The following MNAT1 variants were observed in gnomAD, a reference collection of about 807,000 sequenced individuals.
MNAT1 encodes MNAT1 component of CDK activating kinase, also known as CDK-activating kinase assembly factor MAT1.
A neutral mutation model predicts 42.0 loss-of-function variants in MNAT1; 43 were observed. The observed-to-expected ratio is 1.02, with a 90% CI of 0.80 to 1.32. MNAT1 has a LOEUF of 1.32. Among genes scored for constraint, MNAT1 ranks in the 40% most tolerant of loss-of-function variants. The probability of loss-of-function intolerance (pLI) is 0.00; values close to 1 mark genes in which losing one functional copy is unlikely to be tolerated. For missense variants in MNAT1, 306 were observed against 350.4 expected, an observed-to-expected ratio of 0.87 and a Z score of 1.01; for synonymous variants, 118 against 120.0, an observed-to-expected ratio of 0.98 and a Z score of 0.11.
At chr14:60,840,440 C>T (rs2033516305) in intron 6 of MNAT1, among the ~76,000 whole-genome samples, 1 of 152,172 alleles carries the variant, frequency 6.6e-6, no homozygotes, top group South Asian at 2.1e-4. Context: ...TCAGAGAAGT[C>T]TCATATCACC....
chr14:60,954,145 C>T (rs1241083371), intron 7 of MNAT1, among the ~76,000 whole-genome samples: 1 of 151,794 alleles, frequency 6.6e-6, no homozygotes, highest in African/African-American at 2.4e-5. Flanking sequence ...ATTTACATGC[C>T]TCTTTGTTCA....
At chr14:60,743,409 C>T (rs976016291) in intron 1 of MNAT1, among the ~76,000 whole-genome samples, 4 of 152,146 alleles carry the variant, frequency 2.6e-5, no homozygotes, top group African/African-American at 9.7e-5. Flanking sequence ...CTGCCTCAGC[C>T]TCTTGAGTAA....
In MNAT1 at chr14:60,887,813, C is replaced by T. The variant is rs577492327; in HGVS notation, c.809+7978C>T. ...TACAAACTACCATCAGAGAATACTACAAACACCTCTATGCAAATAAACTAG... is the reference window on the plus strand; with the variant it reads ...TACAAACTACCATCAGAGAATACTATAAACACCTCTATGCAAATAAACTAG... On this transcript the variant is annotated intron_variant, in intron 7 of 7. Coordinates refer to ENST00000261245, the MANE Select transcript of MNAT1 (RefSeq NM_002431.4). Among the ~76,000 whole-genome samples the T allele has an allele frequency of 5.0e-4, 76 of 152,076 alleles. 1 individual carries two copies. The highest frequency in any genetic ancestry group is 1.6e-3 in the African/African-American group (68 of 41,510).
At chr14:60,864,332 G>A (rs2034159939) in intron 6 of MNAT1, among the ~76,000 whole-genome samples, 1 of 151,784 alleles carries the variant, frequency 6.6e-6, no homozygotes, top group Non-Finnish European at 1.5e-5. Flanking sequence ...AATAGGGACA[G>A]TTGTGGTGGT....
chr14:60,968,071 C>A (rs1466533210), intron 7 of MNAT1, among the ~76,000 whole-genome samples, 158 bp from the exon 8 acceptor site: 2 of 152,238 alleles, frequency 1.3e-5, no homozygotes, highest in Middle Eastern at 3.4e-3. Flanking sequence ...TGGTATGTTT[C>A]CTTTTGAAAG....
At chr14:60,807,654 AT>A (rs970264395) in intron 3 of MNAT1, among the ~76,000 whole-genome samples, 3 of 152,178 alleles carry the variant, frequency 2.0e-5, no homozygotes, top group Non-Finnish European at 4.4e-5. Flanking sequence ...AATTCAAATT[AT>A]TTTGAGTTGG....
rs538862704 is a variant in MNAT1, at chr14:60,939,750, G to A, written c.810-28479G>A. Among the ~76,000 whole-genome samples, 18 of 152,270 alleles carry A rather than the reference G, an allele frequency of 1.2e-4. No individual in the cohort carries two copies. In the East Asian group the frequency reaches 2.5e-3, roughly 21 times the overall value. On this transcript the variant is annotated intron_variant, in intron 7 of 7. Coordinates refer to ENST00000261245, the MANE Select transcript of MNAT1 (RefSeq NM_002431.4). ...AGTTCTGTAGATGTCTATTAGGTCT[G>A]CTTGGTGCAGAGCTGAGTTCAGTTC...
chr14:60,878,309 G>A (rs1044339149), intron 6 of MNAT1, among the ~76,000 whole-genome samples: 4 of 152,070 alleles, frequency 2.6e-5, no homozygotes, highest in South Asian at 4.1e-4. Flanking sequence ...AGGGTCCTAG[G>A]AATTTAACTA....
intron 6 of MNAT1, among the ~76,000 whole-genome samples, chr14:60,822,456 C>T (rs1215658455): frequency 6.6e-6 from 1 of 152,094 alleles, no homozygotes; most frequent in Non-Finnish European, 1.5e-5. Context: ...GAGACAGGAT[C>T]TTGTTCTGTT....
At chr14:60,741,991 T>C (rs1279956595) in intron 1 of MNAT1, among the ~76,000 whole-genome samples, 1 of 152,128 alleles carries the variant, frequency 6.6e-6, no homozygotes, top group Non-Finnish European at 1.5e-5. Flanking sequence ...GGTTTTTTTG[T>C]TGTTCTTTTG....
intron 6 of MNAT1, among the ~76,000 whole-genome samples, chr14:60,878,260 G>T (rs553129495): frequency 6.6e-6 from 1 of 152,208 alleles, no homozygotes; most frequent in East Asian, 1.9e-4. Flanking sequence ...ACTTTTGTAA[G>T]CAATGATACC....
At chr14:60,854,606 T>C (rs2033909182) in intron 6 of MNAT1, among the ~76,000 whole-genome samples, 1 of 152,152 alleles carries the variant, frequency 6.6e-6, no homozygotes, top group African/African-American at 2.4e-5. Flanking sequence ...CCAGACCCTG[T>C]TCACTTGGGT....
chr14:60,936,984 G>A (rs893197645), intron 7 of MNAT1, among the ~76,000 whole-genome samples: 21 of 151,728 alleles, frequency 1.4e-4, no homozygotes, highest in Admixed American at 1.3e-3. Context: ...CAGTGATGCT[G>A]AGCATTTTTT....
intron 6 of MNAT1, among the ~76,000 whole-genome samples, chr14:60,872,931 T>A (rs2034361518): frequency 6.6e-6 from 1 of 151,940 alleles, no homozygotes; most frequent in African/African-American, 2.4e-5. Context: ...TTCCATGAAA[T>A]TTTACTTTTA....
chr14:60,897,144 A>G (rs909320440), intron 7 of MNAT1, among the ~76,000 whole-genome samples: 1 of 152,288 alleles, frequency 6.6e-6, no homozygotes, highest in African/African-American at 2.4e-5. Flanking sequence ...GTATTACTCA[A>G]ATACTTGAAT....
rs182603566 is a variant in MNAT1, at chr14:60,793,195, T to G, written c.90-3022T>G. ...ATTTGTTGGTGTTGTTGTTGTTGTT[T>G]TTTGCTTGTTTGTTTGTTTGTTTTT... On this transcript the variant is annotated intron_variant, in intron 1 of 7. Coordinates refer to ENST00000261245, the MANE Select transcript of MNAT1 (RefSeq NM_002431.4). Among the ~76,000 whole-genome samples the G allele has an allele frequency of 2.5e-4, 38 of 151,222 alleles. No individual in the cohort carries two copies. The East Asian group carries it at 5.9e-3, about 23-fold the overall frequency.
chr14:60,914,356 C>G (rs776337848), intron 7 of MNAT1, among the ~76,000 whole-genome samples: 5 of 152,200 alleles, frequency 3.3e-5, no homozygotes, highest in Non-Finnish European at 5.9e-5. Context: ...CGGCACTTCC[C>G]TGTGAGATGA....
At chr14:60,782,702 C>G (rs1445381195) in intron 1 of MNAT1, among the ~76,000 whole-genome samples, 2 of 152,058 alleles carry the variant, frequency 1.3e-5, no homozygotes, top group African/African-American at 4.8e-5. Flanking sequence ...GGTTTTTACC[C>G]CTATGTAGGT....
At chr14:60,826,985 A>C (rs2033074939) in intron 6 of MNAT1, among the ~76,000 whole-genome samples, 1 of 152,098 alleles carries the variant, frequency 6.6e-6, no homozygotes, top group Admixed American at 6.5e-5. Context: ...TCATCTCATA[A>C]ATTAGGATTG....
Sources: allele counts gnomAD v4.1 joint callset (sites outside exome capture counted in the v4.1 genomes callset), GRCh38; gene constraint gnomAD v4.1.1; transcripts MANE v1.5; gene names NCBI Gene and HGNC (gene_info 2026-07-23, HGNC 2026-07-21).